Variants in KCNIP4 observed in about 807,000 individuals in gnomAD.
KCNIP4 encodes the protein potassium voltage-gated channel interacting protein 4.
In KCNIP4, 12 loss-of-function variants were observed where a neutral mutation model predicts 34.0. That is an observed-to-expected ratio of 0.35 (90% CI 0.23 to 0.57). The LOEUF is 0.57. KCNIP4 is among the 20% of genes least tolerant of loss of function. The pLI, the probability that KCNIP4 is intolerant of heterozygous loss-of-function variation, is 0.83. For synonymous variants in KCNIP4, 124 were observed against 102.2 expected (o/e 1.21, Z -1.29); for missense variants, 238 against 311.7 (o/e 0.76, Z 1.78).
At chr4:21,909,403 C>T (rs1319812466) in intron 1 of KCNIP4, among the ~76,000 whole-genome samples, 1 of 152,082 alleles carries the variant, frequency 6.6e-6, no homozygotes, top group African/African-American at 2.4e-5. Flanking sequence ...CTCACCTTGT[C>T]TTACACATCA....
chr4:21,845,560 G>A (rs1393101777), intron 1 of KCNIP4: 1 of 151,936 alleles, frequency 6.6e-6, no homozygotes, highest in African/African-American at 2.4e-5. Flanking sequence ...ATTTTTTTAA[G>A]TGTTTACCTA....
intron 1 of KCNIP4, among the ~76,000 whole-genome samples, chr4:21,050,962 A>C (rs1742876745): frequency 6.6e-6 from 1 of 152,228 alleles, no homozygotes; most frequent in South Asian, 2.1e-4. Context: ...TCTTTCAAAA[A>C]AATGGCTCTG....
At chr4:21,210,729 C>G (rs985810598) in intron 1 of KCNIP4, among the ~76,000 whole-genome samples, 1 of 152,118 alleles carries the variant, frequency 6.6e-6, no homozygotes, top group Admixed American at 6.6e-5. Context: ...CTCCTTCCAC[C>G]TTCAGCCCAT....
chr4:21,773,765 TTG>T (rs1181426886), intron 1 of KCNIP4, among the ~76,000 whole-genome samples: 7 of 144,620 alleles, frequency 4.8e-5, no homozygotes, highest in African/African-American at 2.0e-4. Flanking sequence ...TTTTGTTTGT[TTG>T]TTTTTGTTTT....
intron 1 of KCNIP4, among the ~76,000 whole-genome samples, chr4:21,816,855 C>A (rs1722019644): frequency 1.3e-5 from 2 of 152,148 alleles, no homozygotes; most frequent in African/African-American, 4.8e-5. Flanking sequence ...GTTCTGTCAC[C>A]ACCAGCTTGA....
chr4:20,779,587 CCACA>C (rs1245241913), intron 3 of KCNIP4, among the ~76,000 whole-genome samples: 1,769 of 127,550 alleles, frequency 0.014, 38 homozygotes, highest in African/African-American at 0.042. Context: ...CCCCCCCCCC[CCACA>C]CAAAAAAGAA....
At chr4:20,823,758 C>A (rs1717393261) in intron 3 of KCNIP4, among the ~76,000 whole-genome samples, 1 of 152,024 alleles carries the variant, frequency 6.6e-6, no homozygotes, top group Non-Finnish European at 1.5e-5. Context: ...TATAGCAGTC[C>A]AAACTTACAA....
intron 1 of KCNIP4, among the ~76,000 whole-genome samples, chr4:21,275,883 C>T (rs1315006518): frequency 6.6e-6 from 1 of 152,042 alleles, no homozygotes; most frequent in Admixed American, 6.5e-5. Flanking sequence ...CTTCCCTGGA[C>T]CACAATGGAA....
intron 1 of KCNIP4, among the ~76,000 whole-genome samples, chr4:21,042,633 T>C (rs1421459770): frequency 6.6e-6 from 1 of 152,032 alleles, no homozygotes; most frequent in African/African-American, 2.4e-5. Flanking sequence ...GTAGGGTGAT[T>C]AGAGTTAACA....
rs554122616 is a variant in KCNIP4, at chr4:21,284,762, G to A, written c.62-402053C>T. The stretch of plus-strand genomic sequence containing the variant: ...TGTGTGTGTGTGTGTGTGTGTGTGC[G>A]TGTGTGTGTGTGTAGCCTTGGCTGT... On this transcript the variant is annotated intron_variant, in intron 1 of 8. Coordinates refer to ENST00000382152, the MANE Select transcript of KCNIP4 (RefSeq NM_025221.6). Among the ~76,000 whole-genome samples, 755 of 149,714 alleles carry A rather than the reference G, an allele frequency of 5.0e-3. 5 individuals are homozygous for A. Among genetic ancestry groups the A allele is most frequent in the African/African-American group, 0.017 (692 of 40,892 alleles).
At chr4:21,315,952 C>A (rs1258204690) in intron 1 of KCNIP4, among the ~76,000 whole-genome samples, 1 of 152,198 alleles carries the variant, frequency 6.6e-6, no homozygotes, top group Non-Finnish European at 1.5e-5. Context: ...ATCCTCATTT[C>A]CTGACCGACT....
chr4:21,731,731 A>G (rs978806257), intron 1 of KCNIP4, among the ~76,000 whole-genome samples: 1 of 152,172 alleles, frequency 6.6e-6, no homozygotes, highest in Non-Finnish European at 1.5e-5. Flanking sequence ...CCTCTGATAT[A>G]CAGGACATAA....
chr4:20,765,688 A>G (rs1022825807), intron 3 of KCNIP4, among the ~76,000 whole-genome samples: 1 of 152,176 alleles, frequency 6.6e-6, no homozygotes, highest in Non-Finnish European at 1.5e-5. Context: ...TGGCTGGTAT[A>G]CTTATCTATG....
At chr4:20,764,996 C>A (rs1755273712) in intron 3 of KCNIP4, among the ~76,000 whole-genome samples, 2 of 152,162 alleles carry the variant, frequency 1.3e-5, no homozygotes, top group Non-Finnish European at 2.9e-5. Context: ...GACATGAGGA[C>A]AATGAGCTTG....
chr4:21,415,005 G>A (rs535933173), intron 1 of KCNIP4, among the ~76,000 whole-genome samples: 23 of 151,686 alleles, frequency 1.5e-4, no homozygotes, highest in African/African-American at 4.4e-4. Flanking sequence ...ACAAATTATC[G>A]CTGACTATAG....
At chr4:21,241,734 G>C (rs1328321726) in intron 1 of KCNIP4, among the ~76,000 whole-genome samples, 1 of 152,156 alleles carries the variant, frequency 6.6e-6, no homozygotes, top group Non-Finnish European at 1.5e-5. Flanking sequence ...AGCTCTGAGT[G>C]GGGCCTTGAG....
At chr4:20,749,615 A>G (rs768879714) in intron 5 of KCNIP4, 47 bp downstream of exon 5, 2 of 1,331,550 alleles carry the variant, frequency 1.5e-6, no homozygotes, top group South Asian at 2.6e-5. Context: ...CCCTAAAAAG[A>G]CTAAACTCTA....
intron 1 of KCNIP4, among the ~76,000 whole-genome samples, chr4:21,937,982 C>T (rs530211271): frequency 9.9e-5 from 15 of 152,060 alleles, no homozygotes; most frequent in East Asian, 1.9e-4. Flanking sequence ...ACATCTTGAC[C>T]GTGACTACTG....
At chr4:21,849,232 C>T (rs529977283) in intron 1 of KCNIP4, 1 of 152,154 alleles carries the variant, frequency 6.6e-6, no homozygotes, top group Admixed American at 6.5e-5. Flanking sequence ...CCACTCTATT[C>T]TTTTAGCTGT....
Sources: allele counts gnomAD v4.1 joint callset (sites outside exome capture counted in the v4.1 genomes callset), GRCh38; gene constraint gnomAD v4.1.1; transcripts MANE v1.5; gene names NCBI Gene and HGNC (gene_info 2026-07-23, HGNC 2026-07-21).